The following L3MBTL4 variants were observed in gnomAD, a reference collection of about 807,000 sequenced individuals.
The protein encoded by L3MBTL4 is L3MBTL histone methyl-lysine binding protein 4, also known as lethal(3)malignant brain tumor-like protein 4.
In L3MBTL4, 70 loss-of-function variants were observed where a neutral mutation model predicts 84.5. The observed-to-expected ratio is 0.83, with a 90% confidence interval of 0.68 to 1.01. The LOEUF (loss-of-function observed/expected upper bound fraction) is 1.01. Ranked by LOEUF, L3MBTL4 falls within the 50% of genes least tolerant of loss-of-function variation. The pLI, the probability that L3MBTL4 is intolerant of heterozygous loss-of-function variation, is 0.00. For synonymous variants in L3MBTL4, 274 were observed against 259.8 expected, an observed-to-expected ratio of 1.05 and a Z score of -0.52; for missense variants, 715 against 754.8, an observed-to-expected ratio of 0.95 and a Z score of 0.62.
intron 12 of L3MBTL4, among the ~76,000 whole-genome samples, chr18:6,211,983 C>T (rs2046128000): frequency 6.6e-6 from 1 of 152,122 alleles, no homozygotes; most frequent in African/African-American, 2.4e-5. Context: ...TAAAATGTCA[C>T]TGAATTAACA....
intron 1 of L3MBTL4, among the ~76,000 whole-genome samples, chr18:6,320,337 G>A (rs1199267785): frequency 1.3e-5 from 2 of 151,960 alleles, no homozygotes; most frequent in South Asian, 2.1e-4. Context: ...CATTGGAAGA[G>A]ACCAAGTCAA....
At chr18:6,079,462 G>A (rs1244909253) in intron 16 of L3MBTL4, among the ~76,000 whole-genome samples, 3 of 152,204 alleles carry the variant, frequency 2.0e-5, no homozygotes, top group African/African-American at 2.4e-5. Flanking sequence ...AAGCATATGG[G>A]TGTAAACTCC....
intron 16 of L3MBTL4, among the ~76,000 whole-genome samples, chr18:6,034,687 G>A (rs2056027588): frequency 6.6e-6 from 1 of 152,158 alleles, no homozygotes; most frequent in African/African-American, 2.4e-5. Context: ...TGGGTCAAAT[G>A]GTATTTCTAG....
intron 13 of L3MBTL4, among the ~76,000 whole-genome samples, chr18:6,168,682 T>A (rs1484868305): frequency 6.6e-6 from 1 of 151,978 alleles, no homozygotes; most frequent in African/African-American, 2.4e-5. Flanking sequence ...TAATTCAAGA[T>A]GGATTAAAGA....
intron 16 of L3MBTL4, among the ~76,000 whole-genome samples, chr18:6,016,301 G>C (rs751964712): frequency 6.6e-6 from 1 of 152,330 alleles, no homozygotes; most frequent in African/African-American, 2.4e-5. Flanking sequence ...CGAACTACAT[G>C]CTGCAGATAC....
At chr18:6,374,053 A>G (rs1482745997) in intron 1 of L3MBTL4, among the ~76,000 whole-genome samples, 1 of 152,176 alleles carries the variant, frequency 6.6e-6, no homozygotes, top group African/African-American at 2.4e-5. Context: ...TGAAGAATTC[A>G]AGTAAAATAA....
intron 16 of L3MBTL4, among the ~76,000 whole-genome samples, chr18:6,020,988 G>T (rs1322896980): frequency 6.6e-6 from 1 of 152,196 alleles, no homozygotes; most frequent in Non-Finnish European, 1.5e-5. Context: ...AAGTCGGATA[G>T]AGAAAGAGGA....
intron 16 of L3MBTL4, among the ~76,000 whole-genome samples, chr18:6,078,519 T>C (rs72874030): frequency 0.05 from 7,158 of 144,538 alleles, 233 homozygotes; most frequent in South Asian, 0.11. Context: ...TTAAGAAAAA[T>C]GAAATAAAAT....
chr18:6,076,898 G>T (rs1401701221), intron 16 of L3MBTL4, among the ~76,000 whole-genome samples: 1 of 152,196 alleles, frequency 6.6e-6, no homozygotes, highest in Non-Finnish European at 1.5e-5. Flanking sequence ...GTGCAATGCA[G>T]TGGCCGTGAG....
At chr18:6,215,177 G>A (rs1024811709) in intron 11 of L3MBTL4, among the ~76,000 whole-genome samples, 2 of 152,050 alleles carry the variant, frequency 1.3e-5, no homozygotes, top group African/African-American at 2.4e-5. Context: ...TTTGAAAACC[G>A]CTGGTTTAGG....
intron 4 of L3MBTL4, among the ~76,000 whole-genome samples, chr18:6,268,976 C>T (rs1325893804): frequency 2.6e-5 from 4 of 152,186 alleles, no homozygotes; most frequent in Non-Finnish European, 1.5e-5. Context: ...TTGGAAAACT[C>T]TGTATGTAAA....
intron 6 of L3MBTL4, among the ~76,000 whole-genome samples, chr18:6,243,644 G>A (rs1458828127): frequency 1.3e-5 from 2 of 152,154 alleles, no homozygotes; most frequent in Non-Finnish European, 2.9e-5. Context: ...AGTGCATTCT[G>A]CAAAATAGTG....
chr18:6,170,027 T>C (rs897088447), intron 13 of L3MBTL4, among the ~76,000 whole-genome samples: 16 of 152,172 alleles, frequency 1.1e-4, no homozygotes, highest in Admixed American at 5.2e-4. Context: ...AGGCAGTTTC[T>C]GAATTCTATC....
intron 12 of L3MBTL4, among the ~76,000 whole-genome samples, chr18:6,185,383 C>A (rs995915856): frequency 6.6e-6 from 1 of 152,118 alleles, no homozygotes; most frequent in African/African-American, 2.4e-5. Flanking sequence ...GTATCAGTAG[C>A]CTTTGGTTTT....
At chr18:6,209,024 C>A (rs1243353089) in intron 12 of L3MBTL4, among the ~76,000 whole-genome samples, 1 of 152,168 alleles carries the variant, frequency 6.6e-6, no homozygotes, top group East Asian at 1.9e-4. Flanking sequence ...TCCTATCCCC[C>A]AGCACTGACC....
chr18:6,045,132 A>G (rs2056559853), intron 16 of L3MBTL4, among the ~76,000 whole-genome samples: 1 of 152,224 alleles, frequency 6.6e-6, no homozygotes, highest in Admixed American at 6.5e-5. Context: ...TCAGAAAAGT[A>G]ACTTTGCACC....
rs1568107253 is a variant in L3MBTL4 at position 6,093,280 on chromosome 18, T to C, written c.1373+75A>G. 7 of 1,132,804 alleles carry C rather than the reference T, an allele frequency of 6.2e-6. No individual in the cohort carries two copies. In the South Asian group the frequency reaches 1.1e-4, roughly 18 times the overall value. The allele number at this position is 1,132,804 out of a possible 1,614,324, so 70.2% of individuals were successfully genotyped here. A position where few individuals can be genotyped will look rare whatever the true frequency, so the allele number is the denominator to read the frequency against. ...TTTTGAAGAAAGAAATAGAAACTAT[T>C]ACTATTAACAAAATTGTTCTTTTAC... On this transcript the variant is annotated intron_variant, in intron 15 of 18. Coordinates refer to ENST00000317931, the MANE Select transcript of L3MBTL4 (RefSeq NM_001330559.2).
In L3MBTL4 at chr18:6,305,118, G is replaced by C. The variant is rs1243275335; in HGVS notation, c.73-3161C>G. On this transcript the variant is annotated intron_variant, in intron 3 of 18. Transcript: ENST00000317931. The stretch of plus-strand genomic sequence containing the variant: ...TAAACATACACATATACACACGAAA[G>C]ATTATATTGTGTATATCAGAATAAA... 1.3e-5 allele frequency among the ~76,000 whole-genome samples: 2 copies of C among 152,160 alleles called. 1 individual carries two copies. The highest frequency in any genetic ancestry group is 4.1e-4 in the South Asian group (2 of 4,822).
intron 1 of L3MBTL4, among the ~76,000 whole-genome samples, chr18:6,319,637 T>C (rs976521807): frequency 6.6e-6 from 1 of 151,914 alleles, no homozygotes; most frequent in Non-Finnish European, 1.5e-5. Flanking sequence ...AATCGTAATA[T>C]TTAAAATGTC....
Sources: allele counts gnomAD v4.1 joint callset (sites outside exome capture counted in the v4.1 genomes callset), GRCh38; gene constraint gnomAD v4.1.1; transcripts MANE v1.5; gene names NCBI Gene and HGNC (gene_info 2026-07-23, HGNC 2026-07-21).